The following SYT16 variants were observed in gnomAD, a reference collection of about 807,000 sequenced individuals.
SYT16 encodes synaptotagmin-16.
Under a neutral mutation model 61.4 loss-of-function variants are expected in SYT16, and 42 were observed. That is an observed-to-expected ratio of 0.68 (90% confidence interval 0.53 to 0.89). SYT16 has a LOEUF of 0.89. Among genes scored for constraint, SYT16 ranks in the 40% least tolerant of loss-of-function variants. The pLI is 0.00. For missense variants in SYT16, 804 were observed against 807.3 expected, an observed-to-expected ratio of 1.00 and a Z score of 0.05; for synonymous variants, 314 against 302.3, an observed-to-expected ratio of 1.04 and a Z score of -0.40.
At chr14:61,889,119 GC>G (rs760069758) in intron 1 of SYT16, among the ~76,000 whole-genome samples, 1 of 152,204 alleles carries the variant, frequency 6.6e-6, no homozygotes, top group African/African-American at 2.4e-5. Context: ...AGGGACCACT[GC>G]CATAGGGTCT....
At chr14:61,816,797 G>A (rs1368050825) in intron 1 of SYT16, among the ~76,000 whole-genome samples, 4 of 150,564 alleles carry the variant, frequency 2.7e-5, no homozygotes, top group Admixed American at 2.6e-4. Flanking sequence ...GGATCACGAG[G>A]TCAGGAGATG....
chr14:62,068,383 A>G (rs1431748634), intron 3 of SYT16, among the ~76,000 whole-genome samples: 4 of 151,712 alleles, frequency 2.6e-5, no homozygotes, highest in Admixed American at 2.6e-4. Flanking sequence ...AACAAAACAA[A>G]ACAAAACAAA....
chr14:62,100,860 G>A lies in SYT16; in HGVS notation c.*153G>A. ...GAGTGGGAGTTTTGGGTTTCTCAAT[G>A]GTCTGATTTGGATTTAAATATTGTA... On this transcript the variant is annotated 3_prime_UTR_variant, in exon 8 of 8. Coordinates refer to ENST00000683842, the MANE Select transcript of SYT16 (RefSeq NM_001367656.1). The A allele has an allele frequency of 1.4e-6, 1 of 698,156 alleles. No individual in the cohort carries two copies. The highest frequency in any genetic ancestry group is 2.3e-6 in the Non-Finnish European group (1 of 428,584). The allele number at this position is 698,156 out of a possible 1,614,324, so 43.2% of individuals were successfully genotyped here. A position where few individuals can be genotyped will look rare whatever the true frequency, so the allele number is the denominator to read the frequency against.
rs572327352 is a variant in SYT16 at position 61,873,400 on chromosome 14, T to G, written c.-325+60590T>G. 4.6e-5 allele frequency among the ~76,000 whole-genome samples: 7 copies of G among 152,152 alleles called. 1 individual carries two copies. Among genetic ancestry groups the G allele is most frequent in the Non-Finnish European group, 1.0e-4 (7 of 68,020 alleles). ...TCTGTCATGCTGGGTTTGCCTCGCTTCTCCTTAACAAACCGTCTTTCCTTT... is the reference window on the plus strand; with the variant it reads ...TCTGTCATGCTGGGTTTGCCTCGCTGCTCCTTAACAAACCGTCTTTCCTTT... On this transcript the variant is annotated intron_variant, in intron 1 of 7. Transcript: ENST00000683842.
chr14:61,871,508 C>T (rs553673351), intron 1 of SYT16, among the ~76,000 whole-genome samples: 62 of 152,312 alleles, frequency 4.1e-4, no homozygotes, highest in African/African-American at 1.4e-3. Context: ...TTCCCTGTCC[C>T]GTGACCTGCT....
At chr14:61,875,184 A>G (rs933214646) in intron 1 of SYT16, among the ~76,000 whole-genome samples, 2 of 152,214 alleles carry the variant, frequency 1.3e-5, no homozygotes, top group Admixed American at 6.5e-5. Flanking sequence ...TGCTCTGTGC[A>G]TCACCTGATA....
chr14:61,983,793 C>T (rs2052188215), intron 2 of SYT16, among the ~76,000 whole-genome samples: 2 of 152,082 alleles, frequency 1.3e-5, no homozygotes, highest in African/African-American at 4.8e-5. Flanking sequence ...CACTCAAAGT[C>T]CAGGGTTAAC....
intron 1 of SYT16, among the ~76,000 whole-genome samples, chr14:61,959,585 A>G (rs908685614): frequency 4.6e-5 from 7 of 152,082 alleles, no homozygotes; most frequent in African/African-American, 1.7e-4. Flanking sequence ...TTATGTTTTT[A>G]TGAACAAATT....
intron 1 of SYT16, among the ~76,000 whole-genome samples, chr14:61,833,693 C>A (rs187124754): frequency 1.4e-5 from 2 of 140,724 alleles, no homozygotes; most frequent in African/African-American, 2.7e-5. Flanking sequence ...TTAGCCACTG[C>A]GCCCAGCAGT....
At chr14:61,836,921 T>G (rs937953936) in intron 1 of SYT16, among the ~76,000 whole-genome samples, 2 of 152,202 alleles carry the variant, frequency 1.3e-5, no homozygotes, top group African/African-American at 4.8e-5. Context: ...ATTTTCTGAT[T>G]GCTCTGCAGA....
intron 1 of SYT16, among the ~76,000 whole-genome samples, chr14:61,873,560 A>C (rs770357203): frequency 6.6e-6 from 1 of 152,228 alleles, no homozygotes; most frequent in Non-Finnish European, 1.5e-5. Flanking sequence ...TTTGTGAATA[A>C]CATTTATTCA....
At chr14:62,060,585 T>TG (rs1212252750) in intron 3 of SYT16, among the ~76,000 whole-genome samples, 1 of 152,014 alleles carries the variant, frequency 6.6e-6, no homozygotes, top group Non-Finnish European at 1.5e-5. Flanking sequence ...GATGATTATT[T>TG]GGTTTTTCTT....
intron 1 of SYT16, among the ~76,000 whole-genome samples, chr14:61,863,407 TC>T (rs2047027238): frequency 6.6e-6 from 1 of 152,240 alleles, no homozygotes; most frequent in Admixed American, 6.5e-5. Context: ...CATCTGCGCA[TC>T]TTCTTTGGTG....
chr14:62,093,981 A>G (rs1183671548), intron 7 of SYT16, among the ~76,000 whole-genome samples: 2 of 152,088 alleles, frequency 1.3e-5, no homozygotes, highest in Non-Finnish European at 2.9e-5. Flanking sequence ...CCGTTTACTG[A>G]GGTGATGATA....
chr14:61,824,219 A>G (rs931564449), intron 1 of SYT16, among the ~76,000 whole-genome samples: 1 of 152,152 alleles, frequency 6.6e-6, no homozygotes, highest in Admixed American at 6.5e-5. Context: ...TCTCCTATAT[A>G]CTTTTTCTTT....
At chr14:62,011,253 T>G (rs546189570) in intron 3 of SYT16, among the ~76,000 whole-genome samples, 3 of 152,118 alleles carry the variant, frequency 2.0e-5, no homozygotes, top group Non-Finnish European at 4.4e-5. Flanking sequence ...GGGACCCAGT[T>G]TCTCCCCTTC....
intron 1 of SYT16, among the ~76,000 whole-genome samples, chr14:61,873,899 G>A (rs557560449): frequency 6.6e-5 from 10 of 152,282 alleles, no homozygotes; most frequent in Admixed American, 4.6e-4. Flanking sequence ...TAAAATTTTC[G>A]TATGTATTGT....
intron 4 of SYT16, among the ~76,000 whole-genome samples, chr14:62,070,562 C>G (rs2056260382): frequency 6.6e-6 from 1 of 152,210 alleles, no homozygotes; most frequent in Non-Finnish European, 1.5e-5. Flanking sequence ...CCTCCCCTCT[C>G]TAACATTAGA....
intron 3 of SYT16, among the ~76,000 whole-genome samples, chr14:62,010,516 C>T (rs962463198): frequency 6.6e-6 from 1 of 151,872 alleles, no homozygotes; most frequent in Admixed American, 6.6e-5. Context: ...TTTTGGTATT[C>T]GATTGATTCA....
Sources: gnomAD v4.1 joint callset for allele counts (sites outside exome capture counted in the v4.1 genomes callset) on GRCh38, gnomAD v4.1.1 for gene constraint, MANE v1.5 for transcripts, NCBI Gene and HGNC (gene_info 2026-07-23, HGNC 2026-07-21) for gene names.